CDYL: variants seen among roughly 807,000 people sequenced by gnomAD.
CDYL encodes the protein chromodomain Y-like protein.
A neutral mutation model predicts 47.3 loss-of-function variants in CDYL; 8 were observed. The observed-to-expected ratio is 0.17, with a 90% CI of 0.10 to 0.31. CDYL has a LOEUF of 0.31. Among genes scored for constraint, CDYL ranks in the 10% least tolerant of loss-of-function variants. The pLI, the probability that CDYL is intolerant of heterozygous loss-of-function variation, is 1.00. For missense variants in CDYL, 471 were observed against 701.4 expected, an observed-to-expected ratio of 0.67 and a Z score of 3.71; for synonymous variants, 266 against 265.0, an observed-to-expected ratio of 1.00 and a Z score of -0.04.
chr6:4,903,595 G>A (rs563273805), intron 2 of CDYL, among the ~76,000 whole-genome samples: 11 of 152,278 alleles, frequency 7.2e-5, no homozygotes, highest in Middle Eastern at 6.8e-3. Flanking sequence ...CTTGGGTGCC[G>A]GAGGGAGGAG....
intron 2 of CDYL, among the ~76,000 whole-genome samples, chr6:4,909,051 C>T (rs1432847999): frequency 6.6e-6 from 1 of 152,194 alleles, no homozygotes; most frequent in Non-Finnish European, 1.5e-5. Flanking sequence ...ATAGACACAC[C>T]GTGCCTTGGG....
At chr6:4,880,727 A>G (rs962803510) in intron 1 of CDYL, among the ~76,000 whole-genome samples, 1 of 152,202 alleles carries the variant, frequency 6.6e-6, no homozygotes, top group Non-Finnish European at 1.5e-5. Context: ...GGACATTCCA[A>G]TAGATGTGTA....
intron 3 of CDYL, among the ~76,000 whole-genome samples, chr6:4,764,376 G>A (rs1758220666): frequency 6.6e-6 from 1 of 152,056 alleles, no homozygotes; most frequent in African/African-American, 2.4e-5. Context: ...TGCAGCCTCT[G>A]CCTTCCAGGT....
chr6:4,949,316 A>C (rs571741002), intron 5 of CDYL, among the ~76,000 whole-genome samples: 2 of 152,292 alleles, frequency 1.3e-5, no homozygotes, highest in East Asian at 3.9e-4. Context: ...CCACGCTCAC[A>C]CCTTGAGAGC....
intron 1 of CDYL, among the ~76,000 whole-genome samples, chr6:4,779,059 G>C (rs937280931): frequency 2.6e-5 from 4 of 152,168 alleles, no homozygotes; most frequent in Admixed American, 2.6e-4. Context: ...TGATTGTATG[G>C]TAACTGGCTT....
intron 1 of CDYL, among the ~76,000 whole-genome samples, chr6:4,886,876 G>C (rs1761913839): frequency 6.6e-6 from 1 of 151,818 alleles, no homozygotes; most frequent in Non-Finnish European, 1.5e-5. Flanking sequence ...TTAATGTGTG[G>C]TATGAGGTGT....
chr6:4,723,959 TAA>T (rs1006606043), intron 2 of CDYL, among the ~76,000 whole-genome samples: 12 of 152,138 alleles, frequency 7.9e-5, no homozygotes, highest in Admixed American at 2.0e-4. Context: ...CCCTGGGGAT[TAA>T]AAGAGAGATT....
chr6:4,949,820 C>G (rs888326260), intron 5 of CDYL, among the ~76,000 whole-genome samples: 1 of 152,206 alleles, frequency 6.6e-6, no homozygotes, highest in Non-Finnish European at 1.5e-5. Flanking sequence ...TTGTTGTTTT[C>G]TTGGGTGACT....
intron 1 of CDYL, among the ~76,000 whole-genome samples, chr6:4,811,942 C>T (rs528301563): frequency 6.6e-5 from 10 of 152,168 alleles, no homozygotes; most frequent in Non-Finnish European, 1.3e-4. Context: ...CCCCTGGAAC[C>T]TTCCACATCA....
intron 1 of CDYL, among the ~76,000 whole-genome samples, chr6:4,881,647 C>A (rs1240153777): frequency 6.6e-6 from 1 of 152,154 alleles, no homozygotes; most frequent in Non-Finnish European, 1.5e-5. Flanking sequence ...ATATGATAAA[C>A]CCCACAATAG....
chr6:4,920,146 A>G (rs1372390106), intron 2 of CDYL, among the ~76,000 whole-genome samples: 1 of 152,232 alleles, frequency 6.6e-6, no homozygotes, highest in East Asian at 1.9e-4. Context: ...AGGTACCTAG[A>G]GTAAACGAGA....
chr6:4,918,126 T>A (rs1161235018), intron 2 of CDYL, among the ~76,000 whole-genome samples: 1 of 152,220 alleles, frequency 6.6e-6, no homozygotes, highest in African/African-American at 2.4e-5. Context: ...CAGTTGGTTC[T>A]GAGAGTCAGG....
chr6:4,817,370 C>A (rs1053847774), intron 1 of CDYL, among the ~76,000 whole-genome samples: 1 of 147,442 alleles, frequency 6.8e-6, no homozygotes, highest in African/African-American at 2.5e-5. Flanking sequence ...AAAAAAAAAA[C>A]TGTGAAATTC....
chr6:4,782,838 T>C (rs780895191), intron 1 of CDYL, among the ~76,000 whole-genome samples: 1 of 151,918 alleles, frequency 6.6e-6, no homozygotes, highest in Non-Finnish European at 1.5e-5. Context: ...TGAACTGTCC[T>C]CTGCCACAAA....
intron 2 of CDYL, among the ~76,000 whole-genome samples, chr6:4,902,080 G>A (rs920655108): frequency 2.6e-5 from 4 of 152,096 alleles, no homozygotes; most frequent in Admixed American, 6.6e-5. Context: ...TACCCCAGGG[G>A]AAAGCCAGGG....
intron 1 of CDYL, among the ~76,000 whole-genome samples, chr6:4,806,175 C>T (rs1031504634): frequency 2.0e-5 from 3 of 152,348 alleles, no homozygotes; most frequent in Non-Finnish European, 2.9e-5. Context: ...GCCGACCCAC[C>T]GGCTGTGCCA....
At chr6:4,780,392 GCCTACGCCCCCCCC>G (rs1167488092) in intron 1 of CDYL, among the ~76,000 whole-genome samples, 478 of 13,856 alleles carry the variant, frequency 0.034, 6 homozygotes, top group African/African-American at 0.085. Context: ...CACCACCCCC[GCCTACGCCCCCCCC>G]CCCCCGCCCC....
intron 1 of CDYL, among the ~76,000 whole-genome samples, chr6:4,863,910 C>T (rs952557073): frequency 9.2e-5 from 14 of 152,160 alleles, no homozygotes; most frequent in Admixed American, 9.2e-4. Flanking sequence ...GAGAGAGGCC[C>T]TGATAAGATC....
At chr6:4,833,555 T>C (rs2127454921) in intron 1 of CDYL, among the ~76,000 whole-genome samples, 1 of 148,946 alleles carries the variant, frequency 6.7e-6, no homozygotes, top group South Asian at 2.1e-4. Context: ...TTCTGTTGAT[T>C]TGGGGTGGAG....
Sources: gnomAD v4.1 joint callset for allele counts (sites outside exome capture counted in the v4.1 genomes callset) on GRCh38, gnomAD v4.1.1 for gene constraint, MANE v1.5 for transcripts, NCBI Gene and HGNC (gene_info 2026-07-23, HGNC 2026-07-21) for gene names.